The following CTNND2 variants were observed in gnomAD, a reference collection of about 807,000 sequenced individuals.
CTNND2 encodes the protein catenin delta 2, also known as catenin delta-2.
Under a neutral mutation model 144.4 loss-of-function variants are expected in CTNND2, and 22 were observed. The observed-to-expected ratio is 0.15, with a 90% CI of 0.11 to 0.22. The LOEUF (loss-of-function observed/expected upper bound fraction) is 0.22, where lower values mean the gene tolerates loss of function less well. CTNND2 is among the 10% of genes least tolerant of loss of function. The pLI is 1.00. For synonymous variants in CTNND2, 751 were observed against 695.6 expected, an observed-to-expected ratio of 1.08 and a Z score of -1.25; for missense variants, 1,353 against 1,618.8, an observed-to-expected ratio of 0.84 and a Z score of 2.82.
chr5:11,140,840 A>C (rs1580399657), intron 12 of CTNND2, among the ~76,000 whole-genome samples: 1 of 152,334 alleles, frequency 6.6e-6, no homozygotes, highest in East Asian at 1.9e-4. Flanking sequence ...AATTTATATA[A>C]ATATATATGG....
chr5:11,044,624 A>C (rs1294313679), intron 16 of CTNND2, among the ~76,000 whole-genome samples: 1 of 152,072 alleles, frequency 6.6e-6, no homozygotes, highest in African/African-American at 2.4e-5. Flanking sequence ...TGGTTTTACA[A>C]AATTCCATTA....
chr5:11,205,926 A>C (rs1217414433), intron 10 of CTNND2, among the ~76,000 whole-genome samples: 1 of 152,198 alleles, frequency 6.6e-6, no homozygotes, highest in Non-Finnish European at 1.5e-5. Context: ...GGTTTCCCCC[A>C]GGCAAGTTAC....
intron 1 of CTNND2, among the ~76,000 whole-genome samples, chr5:11,755,143 C>A (rs1561766954): frequency 6.6e-6 from 1 of 151,702 alleles, no homozygotes; most frequent in African/African-American, 2.4e-5. Context: ...CTGGTGGTAA[C>A]AAATTCCCTC....
chr5:11,551,563 T>G (rs1775770211), intron 3 of CTNND2, among the ~76,000 whole-genome samples: 1 of 150,298 alleles, frequency 6.7e-6, no homozygotes, highest in Non-Finnish European at 1.5e-5. Flanking sequence ...TAACTACAGA[T>G]GCATGCCACC....
At chr5:11,113,057 T>C (rs552816091) in intron 13 of CTNND2, among the ~76,000 whole-genome samples, 1 of 152,114 alleles carries the variant, frequency 6.6e-6, no homozygotes, top group Non-Finnish European at 1.5e-5. Flanking sequence ...AGGAGAATGG[T>C]GTGAACCCGG....
At chr5:11,736,068 A>C (rs920522767) in intron 1 of CTNND2, among the ~76,000 whole-genome samples, 5 of 152,200 alleles carry the variant, frequency 3.3e-5, no homozygotes, top group Admixed American at 3.3e-4. Flanking sequence ...AAGTCACATA[A>C]GTGGGCCCAG....
intron 1 of CTNND2, among the ~76,000 whole-genome samples, chr5:11,843,611 A>G (rs977017616): frequency 3.9e-5 from 6 of 152,186 alleles, no homozygotes; most frequent in Non-Finnish European, 8.8e-5. Flanking sequence ...TGTCTATCTC[A>G]CCACTATGAT....
At chr5:11,749,408 T>G (rs1287472586) in intron 1 of CTNND2, among the ~76,000 whole-genome samples, 8 of 151,976 alleles carry the variant, frequency 5.3e-5, no homozygotes, top group Non-Finnish European at 1.2e-4. Flanking sequence ...CATTATAGTC[T>G]TTTTTTGACA....
chr5:11,292,613 T>C (rs1199256790), intron 9 of CTNND2, among the ~76,000 whole-genome samples: 1 of 152,192 alleles, frequency 6.6e-6, no homozygotes, highest in African/African-American at 2.4e-5. Flanking sequence ...CCTGCCGCCA[T>C]GTAAGACGTA....
intron 7 of CTNND2, among the ~76,000 whole-genome samples, chr5:11,375,991 T>C (rs943364761): frequency 6.6e-5 from 10 of 151,858 alleles, no homozygotes; most frequent in African/African-American, 2.4e-4. Flanking sequence ...TGGGAGGTGA[T>C]GAGGTCATGA....
intron 3 of CTNND2, among the ~76,000 whole-genome samples, chr5:11,489,166 GC>G (rs1213369007): frequency 2.0e-5 from 3 of 152,136 alleles, no homozygotes; most frequent in Non-Finnish European, 2.9e-5. Flanking sequence ...ATTCCCTCGA[GC>G]CATGTATAAG....
intron 2 of CTNND2, among the ~76,000 whole-genome samples, chr5:11,608,957 C>T (rs1017229981): frequency 1.3e-5 from 2 of 152,096 alleles, no homozygotes; most frequent in African/African-American, 4.8e-5. Context: ...TTTACTAAGC[C>T]CCAGCCATAT....
chr5:11,437,182 G>GT (rs1763849119), intron 3 of CTNND2, among the ~76,000 whole-genome samples: 1 of 152,186 alleles, frequency 6.6e-6, no homozygotes, highest in Non-Finnish European at 1.5e-5. Flanking sequence ...CCTTATGAGT[G>GT]TGAGTTACCG....
chr5:11,873,361 A>T (rs1038007349), intron 1 of CTNND2, among the ~76,000 whole-genome samples: 2 of 152,334 alleles, frequency 1.3e-5, no homozygotes, highest in Admixed American at 1.3e-4. Context: ...TGCATTTTGC[A>T]CATCAAATAA....
At chr5:11,336,151 C>T (rs771224176) in intron 9 of CTNND2, among the ~76,000 whole-genome samples, 1 of 152,202 alleles carries the variant, frequency 6.6e-6, no homozygotes, top group African/African-American at 2.4e-5. Flanking sequence ...CAGCCCTGCT[C>T]TCACCCTGTG....
At chr5:11,093,138 C>T (rs1750949538) in intron 15 of CTNND2, among the ~76,000 whole-genome samples, 1 of 152,176 alleles carries the variant, frequency 6.6e-6, no homozygotes, top group Admixed American at 6.5e-5. Flanking sequence ...TGGCAAATAA[C>T]AGATGCTTTG....
chr5:11,091,398 T>A (rs2907113), intron 15 of CTNND2, among the ~76,000 whole-genome samples: 52,903 of 152,158 alleles, frequency 0.35, 9,305 homozygotes, highest in Middle Eastern at 0.38. Flanking sequence ...CATGGAATAC[T>A]GTTATAATAA....
At chr5:11,507,837 T>C (rs560302638) in intron 3 of CTNND2, among the ~76,000 whole-genome samples, 2 of 151,966 alleles carry the variant, frequency 1.3e-5, no homozygotes, top group Non-Finnish European at 2.9e-5. Flanking sequence ...AGGACAAAAA[T>C]GGAGTGGCAT....
At chr5:11,330,946 T>C (rs1313213334) in intron 9 of CTNND2, among the ~76,000 whole-genome samples, 2 of 152,198 alleles carry the variant, frequency 1.3e-5, no homozygotes, top group East Asian at 1.9e-4. Context: ...ATATTGTCTG[T>C]TACTTTCAAG....
Sources: gnomAD v4.1 joint callset for allele counts (sites outside exome capture counted in the v4.1 genomes callset) on GRCh38, gnomAD v4.1.1 for gene constraint, MANE v1.5 for transcripts, NCBI Gene and HGNC (gene_info 2026-07-23, HGNC 2026-07-21) for gene names.